VAV3: variants seen among roughly 807,000 people sequenced by gnomAD.
The protein encoded by VAV3 is vav guanine nucleotide exchange factor 3, also known as guanine nucleotide exchange factor VAV3.
Under a neutral mutation model 131.2 loss-of-function variants are expected in VAV3, and 94 were observed. The ratio of observed to expected loss-of-function variants is 0.72; its 90% CI spans 0.61 to 0.85. The LOEUF (loss-of-function observed/expected upper bound fraction) is 0.85, where lower values mean the gene tolerates loss of function less well. Among genes scored for constraint, VAV3 ranks in the 40% least tolerant of loss-of-function variants. VAV3 has a pLI of 0.00. For synonymous variants in VAV3, 349 were observed against 342.0 expected (o/e 1.02, Z -0.22); for missense variants, 939 against 1,002.7 (o/e 0.94, Z 0.86).
chr1:107,869,107 T>C (rs1670134942), intron 2 of VAV3, among the ~76,000 whole-genome samples: 1 of 152,146 alleles, frequency 6.6e-6, no homozygotes, highest in Admixed American at 6.5e-5. Context: ...GCAAATGTCT[T>C]ATTGGTCCCA....
At chr1:107,602,764 A>C (rs1379416506) in intron 23 of VAV3, among the ~76,000 whole-genome samples, 1 of 152,178 alleles carries the variant, frequency 6.6e-6, no homozygotes, top group Non-Finnish European at 1.5e-5. Context: ...TAAGACAAAA[A>C]TCTAGAAATT....
At chr1:107,799,184 A>G (rs534182516) in intron 2 of VAV3, among the ~76,000 whole-genome samples, 23 of 152,258 alleles carry the variant, frequency 1.5e-4, no homozygotes, top group Non-Finnish European at 3.4e-4. Context: ...CTTTTTAGTT[A>G]CCTCATTTCA....
chr1:107,675,576 C>T (rs1646231414), intron 19 of VAV3, among the ~76,000 whole-genome samples: 1 of 152,168 alleles, frequency 6.6e-6, no homozygotes, highest in African/African-American at 2.4e-5. Context: ...CCTCATTACT[C>T]CTTTATTGCC....
intron 21 of VAV3, among the ~76,000 whole-genome samples, chr1:107,612,101 T>G (rs1446420479): frequency 6.6e-6 from 1 of 151,740 alleles, no homozygotes; most frequent in African/African-American, 2.4e-5. Context: ...AAAAACATTT[T>G]ATTGAGAATA....
intron 19 of VAV3, among the ~76,000 whole-genome samples, chr1:107,644,542 C>T (rs1655584037): frequency 6.6e-6 from 1 of 152,102 alleles, no homozygotes; most frequent in African/African-American, 2.4e-5. Context: ...GGGGCCAGTT[C>T]TGAGCCGTGG....
At chr1:107,900,471 T>A (rs192449758) in intron 1 of VAV3, among the ~76,000 whole-genome samples, 20 of 152,320 alleles carry the variant, frequency 1.3e-4, no homozygotes, top group Admixed American at 1.2e-3. Flanking sequence ...CTCTTCCACG[T>A]GCAAAGTGAA....
At chr1:107,751,783 C>T (rs1228793848) in intron 12 of VAV3, among the ~76,000 whole-genome samples, 1 of 152,122 alleles carries the variant, frequency 6.6e-6, no homozygotes, top group Non-Finnish European at 1.5e-5. Flanking sequence ...GAGCTATTTT[C>T]CCAGAGGCTG....
intron 19 of VAV3, among the ~76,000 whole-genome samples, chr1:107,644,108 A>G (rs911363992): frequency 6.6e-6 from 1 of 152,140 alleles, no homozygotes; most frequent in Non-Finnish European, 1.5e-5. Flanking sequence ...ACTTTCCCCT[A>G]AACAACACTC....
intron 1 of VAV3, among the ~76,000 whole-genome samples, chr1:107,909,947 A>T (rs1672290945): frequency 6.6e-6 from 1 of 152,238 alleles, no homozygotes; most frequent in African/African-American, 2.4e-5. Context: ...GAAATTAAGA[A>T]GTGGCAGACA....
chr1:107,885,430 A>T (rs1385406617), intron 1 of VAV3, among the ~76,000 whole-genome samples: 1 of 146,094 alleles, frequency 6.8e-6, no homozygotes, highest in East Asian at 2.0e-4. Flanking sequence ...ACCAACAGTT[A>T]AAAAAAAAAG....
At chr1:107,847,737 G>A (rs57446262) in intron 2 of VAV3, among the ~76,000 whole-genome samples, 3,435 of 152,210 alleles carry the variant, frequency 0.023, 120 homozygotes, top group African/African-American at 0.079. Flanking sequence ...TCAAATCCCT[G>A]CATAGACCAA....
At chr1:107,788,756 C>T (rs72981429) in intron 2 of VAV3, among the ~76,000 whole-genome samples, 7 of 152,230 alleles carry the variant, frequency 4.6e-5, no homozygotes, top group East Asian at 3.9e-4. Context: ...AAACTTAGTA[C>T]GCAAATGATA....
intron 2 of VAV3, among the ~76,000 whole-genome samples, chr1:107,812,327 C>G (rs1266858714): frequency 6.6e-6 from 1 of 152,032 alleles, no homozygotes; most frequent in Non-Finnish European, 1.5e-5. Context: ...CTATAATAGA[C>G]ACAAGGAAAA....
chr1:107,851,012 C>A (rs1240603074), intron 2 of VAV3, among the ~76,000 whole-genome samples: 1 of 151,906 alleles, frequency 6.6e-6, no homozygotes, highest in Non-Finnish European at 1.5e-5. Flanking sequence ...GCAGAAAGAG[C>A]AGCAGGGGCC....
intron 25 of VAV3, among the ~76,000 whole-genome samples, chr1:107,583,525 A>C (rs1650239612): frequency 6.6e-6 from 1 of 152,158 alleles, no homozygotes; most frequent in South Asian, 2.1e-4. Flanking sequence ...GTCTCAGCCC[A>C]AAATCTCCTT....
chr1:107,700,376 G>T (rs1273697341), intron 17 of VAV3, among the ~76,000 whole-genome samples: 1 of 152,172 alleles, frequency 6.6e-6, no homozygotes, highest in African/African-American at 2.4e-5. Flanking sequence ...GTGCCATGGT[G>T]GTTTGCTGCA....
At chr1:107,825,412 C>T (rs1297009773) in intron 2 of VAV3, among the ~76,000 whole-genome samples, 1 of 151,876 alleles carries the variant, frequency 6.6e-6, no homozygotes, top group Non-Finnish European at 1.5e-5. Flanking sequence ...TATGATTACC[C>T]TTTACCAAAT....
intron 2 of VAV3, among the ~76,000 whole-genome samples, chr1:107,806,346 C>T (rs562646780): frequency 4.3e-4 from 66 of 152,104 alleles, no homozygotes; most frequent in African/African-American, 1.5e-3. Flanking sequence ...TTATAGTCTA[C>T]CATCTGCTTG....
chr1:107,777,824 C>T (rs1203698038), intron 3 of VAV3: 3 of 152,970 alleles, frequency 2.0e-5, no homozygotes, highest in Admixed American at 1.3e-4. Context: ...TTGACCCTGA[C>T]ATTTCTGCTC....
Sources: gnomAD v4.1 joint callset for allele counts (sites outside exome capture counted in the v4.1 genomes callset) on GRCh38, gnomAD v4.1.1 for gene constraint, MANE v1.5 for transcripts, NCBI Gene and HGNC (gene_info 2026-07-23, HGNC 2026-07-21) for gene names.